TJP1: variants seen among roughly 807,000 people sequenced by gnomAD.
TJP1 encodes tight junction protein 1, also known as tight junction protein ZO-1.
In TJP1, 43 loss-of-function variants were observed where a neutral mutation model predicts 194.2. The observed-to-expected ratio is 0.22, with a 90% CI of 0.17 to 0.29. The LOEUF (loss-of-function observed/expected upper bound fraction) is 0.29. TJP1 is among the 10% of genes least tolerant of loss of function. The pLI, the probability that TJP1 is intolerant of heterozygous loss-of-function variation, is 1.00. For synonymous variants in TJP1, 801 were observed against 779.0 expected (o/e 1.03, Z -0.47); for missense variants, 1,971 against 2,185.7 (o/e 0.90, Z 1.96).
intron 2 of TJP1, among the ~76,000 whole-genome samples, chr15:29,948,580 T>G (rs1273255808): frequency 6.6e-6 from 1 of 152,150 alleles, no homozygotes; most frequent in Non-Finnish European, 1.5e-5. Flanking sequence ...AAAGAGACAC[T>G]GCCCCTGGCC....
intron 16 of TJP1, 80 bp from the exon 17 acceptor site, chr15:29,727,071 G>T: frequency 2.3e-6 from 3 of 1,291,048 alleles, no homozygotes; most frequent in Non-Finnish European, 3.3e-6. Flanking sequence ...GGGTGCAGTG[G>T]CTCACGCTAC....
intron 2 of TJP1, among the ~76,000 whole-genome samples, chr15:29,848,254 C>A (rs1236928562): frequency 6.6e-6 from 1 of 151,812 alleles, no homozygotes. Context: ...TTCAGATCTT[C>A]TTTCCCCTTG....
rs925212508 is a variant in TJP1, at chr15:29,931,779, T to A, written c.306+24453A>T. Among the ~76,000 whole-genome samples, 4 of 152,120 alleles carry A rather than the reference T, an allele frequency of 2.6e-5. 1 individual carries two copies. The East Asian group carries it at 7.7e-4, about 29-fold the overall frequency. ...GTCCGTAAAGTGAAAACAAGTTTAT[T>A]AGGAAAGTAAAGGAATAAAAGAACG... On this transcript the variant is annotated intron_variant, in intron 2 of 28. Coordinates refer to the TJP1 transcript ENST00000356107.
At chr15:29,886,827 T>TGTACTTTA (rs2053130659) in intron 2 of TJP1, among the ~76,000 whole-genome samples, 1 of 151,988 alleles carries the variant, frequency 6.6e-6, no homozygotes, top group African/African-American at 2.4e-5. Context: ...TGTCATGGGC[T>TGTACTTTA]CGGTGGTAAA....
intron 1 of TJP1, among the ~76,000 whole-genome samples, chr15:29,817,109 C>G (rs1468090362): frequency 6.6e-6 from 1 of 152,066 alleles, no homozygotes; most frequent in East Asian, 1.9e-4. Flanking sequence ...AACTAATTTA[C>G]AAGAAAACAA....
intron 8 of TJP1, among the ~76,000 whole-genome samples, chr15:29,750,916 T>C (rs1291442170): frequency 1.3e-5 from 2 of 152,196 alleles, no homozygotes; most frequent in African/African-American, 2.4e-5. Flanking sequence ...AATAAAAATA[T>C]GCTAAGAATT....
intron 2 of TJP1, among the ~76,000 whole-genome samples, chr15:29,790,091 C>T (rs1291408145): frequency 2.0e-5 from 3 of 152,190 alleles, no homozygotes; most frequent in East Asian, 3.8e-4. Flanking sequence ...CAGCCACATT[C>T]GTTTGCCTGT....
Position 29,701,655 on chromosome 15 carries a change from G to A in TJP1, c.5247C>T (p.Pro1749=), listed in dbSNP as rs373682155. The A allele has an allele frequency of 1.1e-5, 17 of 1,613,930 alleles. No homozygotes were observed. The highest frequency in any genetic ancestry group is 4.5e-5 in the East Asian group (2 of 44,882). ...CTCCAACGAGATAATTTGGATCTCC[G>A]GGAAGACACTTGTTTTGCCAGGTTT... is the stretch of plus-strand genomic sequence containing the variant. The part of the protein sequence containing the change: ...DPKTWQNKCL[P]GDPNYLVGAN... Residue 1749 remains proline, a synonymous_variant, in exon 28 of 28, where the codon CCC becomes CCT. Transcript: ENST00000614355.
At chr15:29,836,563 C>T (rs185149468) in intron 2 of TJP1, among the ~76,000 whole-genome samples, 8 of 152,234 alleles carry the variant, frequency 5.3e-5, no homozygotes, top group African/African-American at 1.4e-4. Context: ...AGCCACTGCG[C>T]CCAGCCGGGA....
chr15:29,802,180 GA>G (rs1224009598), intron 1 of TJP1, among the ~76,000 whole-genome samples: 1 of 152,084 alleles, frequency 6.6e-6, no homozygotes, highest in African/African-American at 2.4e-5. Context: ...TAAAAAGGGA[GA>G]AGGCTAAGCA....
At chr15:29,816,591 G>A (rs2049941264) in intron 1 of TJP1, among the ~76,000 whole-genome samples, 1 of 152,146 alleles carries the variant, frequency 6.6e-6, no homozygotes, top group Non-Finnish European at 1.5e-5. Flanking sequence ...ACAAACTACA[G>A]TGAGTTTTTC....
intron 1 of TJP1, among the ~76,000 whole-genome samples, chr15:29,961,275 G>C (rs2056146080): frequency 2.0e-5 from 3 of 151,714 alleles, no homozygotes; most frequent in Admixed American, 2.0e-4. Flanking sequence ...AAATAAAGTT[G>C]GGAACTGATG....
At chr15:29,790,742 T>A (rs1206705425) in intron 2 of TJP1, among the ~76,000 whole-genome samples, 1 of 150,524 alleles carries the variant, frequency 6.6e-6, no homozygotes, top group Admixed American at 6.6e-5. Context: ...TCTCCGTGAG[T>A]TCATTTTTCT....
At chr15:29,820,213 A>T (rs1053494388) in intron 1 of TJP1, among the ~76,000 whole-genome samples, 1 of 150,058 alleles carries the variant, frequency 6.7e-6, no homozygotes, top group Non-Finnish European at 1.5e-5. Flanking sequence ...CAAACGCATC[A>T]TATGTAAAGC....
intron 25 of TJP1, among the ~76,000 whole-genome samples, chr15:29,706,437 CTTTTT>C: frequency 6.6e-6 from 1 of 151,902 alleles, no homozygotes. Context: ...AAATCGGAAA[CTTTTT>C]TTTGAGTGTC....
At chr15:29,807,757 A>G (rs1182275546) in intron 1 of TJP1, among the ~76,000 whole-genome samples, 1 of 152,228 alleles carries the variant, frequency 6.6e-6, no homozygotes, top group Non-Finnish European at 1.5e-5. Context: ...TAACTTTTCT[A>G]TAAATCTAAT....
rs2052253723 is a variant in TJP1, at chr15:29,865,059, G to A, written c.307-64357C>T. On this transcript the variant is annotated intron_variant, in intron 2 of 28. Transcript: ENST00000356107. ...CAAGAAACCACGAACGTTCCTGTGA[G>A]CCAAAAGCTTTATAATTTGCTTGAG... is the stretch of plus-strand genomic sequence containing the variant. Among the ~76,000 whole-genome samples, 4 of 152,220 alleles carry A rather than the reference G, an allele frequency of 2.6e-5. No homozygotes were observed. The South Asian group carries it at 8.3e-4, about 32-fold the overall frequency.
intron 2 of TJP1, among the ~76,000 whole-genome samples, chr15:29,784,589 C>T (rs1052988185): frequency 1.3e-5 from 2 of 152,068 alleles, no homozygotes; most frequent in African/African-American, 2.4e-5. Flanking sequence ...CATGAGTCAC[C>T]GTACCCAGCC....
chr15:29,700,386 A>T lies in TJP1; in HGVS notation c.*1209T>A, dbSNP rs1277825000. 5.0e-6 allele frequency: 2 copies of T among 398,942 alleles called. No homozygotes were observed. Among genetic ancestry groups the T allele is most frequent in the Non-Finnish European group, 8.8e-6 (2 of 226,040 alleles). 24.7% of individuals were successfully genotyped at this position (398,942 alleles called of 1,614,324 possible). A position where few individuals can be genotyped will look rare whatever the true frequency, so the allele number is the denominator to read the frequency against. On this transcript the variant is annotated 3_prime_UTR_variant, in exon 28 of 28. Coordinates refer to ENST00000614355, the MANE Select transcript of TJP1 (RefSeq NM_001330239.4). ...TGCAAGAATTTAATCAAACTAGAGA[A>T]TTCTGAGTAACTGTATCTTTTAAAT...
Sources: allele counts gnomAD v4.1 joint callset (sites outside exome capture counted in the v4.1 genomes callset), GRCh38; gene constraint gnomAD v4.1.1; transcripts MANE v1.5; gene names NCBI Gene and HGNC (gene_info 2026-07-23, HGNC 2026-07-21).